Variants in CUL4B observed in about 807,000 individuals in gnomAD.
CUL4B encodes cullin 4B, also known as cullin-4B.
Under a neutral mutation model 69.2 loss-of-function variants are expected in CUL4B, and 1 was observed. The observed-to-expected ratio is 0.01, with a 90% confidence interval of 0.01 to 0.07. The LOEUF is 0.07. CUL4B is among the 10% of genes least tolerant of loss of function. The pLI, the probability that CUL4B is intolerant of heterozygous loss-of-function variation, is 1.00. For synonymous variants in CUL4B, 237 were observed against 223.2 expected, an observed-to-expected ratio of 1.06 and a Z score of -0.55; for missense variants, 328 against 638.8, an observed-to-expected ratio of 0.51 and a Z score of 5.24.
At position 120,560,885 on chromosome X, in the gene CUL4B, G is replaced by T; in HGVS notation, c.-247C>A. On this transcript the variant is annotated 5_prime_UTR_variant, in exon 1 of 20. Coordinates refer to ENST00000371322, the MANE Select transcript of CUL4B (RefSeq NM_001079872.2). ...GGAGAGCGAATGAGGAGGCAGACAG[G>T]TAAACGGCCGTGCCGTCCCCCTCCC... 1.3e-6 allele frequency: 1 copy of T among 753,259 alleles called. No homozygotes were observed. Among genetic ancestry groups the T allele is most frequent in the Non-Finnish European group, 1.6e-6 (1 of 638,950 alleles). 62.1% of individuals were successfully genotyped at this position (753,259 alleles called of 1,213,427 possible). A position where few individuals can be genotyped will look rare whatever the true frequency, so the allele number is the denominator to read the frequency against.
intron 13 of CUL4B, 97 bp from the exon 14 acceptor site, chrX:120,538,306 G>T: frequency 1.9e-6 from 1 of 532,203 alleles, no homozygotes; most frequent in Non-Finnish European, 3.1e-6. Flanking sequence ...TTAGTATGAA[G>T]TATGATCTGT....
At chrX:120,528,409 CAA>C (rs1315505804) in intron 19 of CUL4B, among the ~76,000 whole-genome samples, 2 of 74,932 alleles carry the variant, frequency 2.7e-5, no homozygotes, top group Admixed American at 1.6e-4. Context: ...GACTCCATCT[CAA>C]AAAAAAAAAA....
downstream of CUL4B, among the ~76,000 whole-genome samples, chrX:120,570,831 C>CT (rs1372452230): frequency 1.8e-5 from 2 of 111,630 alleles, no homozygotes; most frequent in East Asian, 2.8e-4. Flanking sequence ...AATTTGATAA[C>CT]TTTTTAAATA....
At chrX:120,529,197 G>A (rs530642915) in intron 19 of CUL4B, among the ~76,000 whole-genome samples, 21 of 111,438 alleles carry the variant, frequency 1.9e-4, no homozygotes, top group Middle Eastern at 4.7e-3. Context: ...CAGAGCATGA[G>A]GGTGAGAGGG....
upstream of CUL4B, chrX:120,561,423 A>G: frequency 1.9e-6 from 1 of 522,978 alleles, no homozygotes; most frequent in Non-Finnish European, 3.5e-6. Flanking sequence ...CGAAGCCCCC[A>G]GGTCCGCAGG....
intron 16 of CUL4B, among the ~76,000 whole-genome samples, chrX:120,534,803 GT>G (rs757062628): frequency 9.1e-5 from 10 of 109,784 alleles, no homozygotes; most frequent in Middle Eastern, 4.7e-3. Flanking sequence ...CCTTTTAACA[GT>G]TTTTTTTTAA....
At chrX:120,535,299 G>A (rs1923587699) in intron 16 of CUL4B, among the ~76,000 whole-genome samples, 1 of 111,458 alleles carries the variant, frequency 9.0e-6, no homozygotes, top group Non-Finnish European at 1.9e-5. Context: ...TTTTGCAGAA[G>A]GGCCAAATCA....
rs377021317 is a variant in CUL4B at position 120,537,084 on chromosome X, C to T, written c.1939-50G>A. 5 of 874,082 alleles carry T rather than the reference C, an allele frequency of 5.7e-6. No homozygotes were observed. In the African/African-American group the frequency reaches 9.9e-5, roughly 17 times the overall value. The allele number at this position is 874,082 out of a possible 1,213,427, so 72.0% of individuals were successfully genotyped here. ...TGAGATCTTAAAACTGCATACATTT[C>T]ATATCATAATAACCTATTTAAGAAG... On this transcript the variant is annotated intron_variant, in intron 14 of 19. Coordinates refer to ENST00000371322, the MANE Select transcript of CUL4B (RefSeq NM_001079872.2).
intron 12 of CUL4B, 129 bp downstream of exon 12, chrX:120,539,139 A>G (rs931778392): frequency 8.6e-6 from 4 of 462,444 alleles, no homozygotes; most frequent in Non-Finnish European, 1.5e-5. Context: ...GTATCCCCCC[A>G]ATGAATTAAA....
rs781681398 is a variant in CUL4B, at chrX:120,525,797, G to A, written c.*964C>T. The A allele has an allele frequency of 1.8e-5, 2 of 111,982 alleles. No individual in the cohort carries two copies. Among genetic ancestry groups the A allele is most frequent in the African/African-American group, 6.5e-5 (2 of 30,915 alleles). 9.2% of individuals were successfully genotyped at this position (111,982 alleles called of 1,213,427 possible). A position where few individuals can be genotyped will look rare whatever the true frequency, so the allele number is the denominator to read the frequency against. ...AGGAATGCTAAATCCTAGGAAGCCTGTAACAATCTACAATTGGTCCAAGTT... is the reference window on the plus strand; with the variant it reads ...AGGAATGCTAAATCCTAGGAAGCCTATAACAATCTACAATTGGTCCAAGTT... On this transcript the variant is annotated 3_prime_UTR_variant, in exon 20 of 20. Transcript: ENST00000371322.
upstream of CUL4B, among the ~76,000 whole-genome samples, chrX:120,566,345 GTATATATATATATATATATATATATATA>G (rs537274243): frequency 4.6e-4 from 19 of 40,955 alleles, no homozygotes; most frequent in East Asian, 1.9e-3. Context: ...GTGTGTATAG[GTATATATATATATATATATATATATATA>G]TATATATATA....
chrX:120,527,706 T>C (rs1467933691), intron 19 of CUL4B, among the ~76,000 whole-genome samples: 2 of 112,354 alleles, frequency 1.8e-5, no homozygotes, highest in African/African-American at 6.5e-5. Flanking sequence ...AACAAAGTTT[T>C]GACTGCAACC....
intron 11 of CUL4B, among the ~76,000 whole-genome samples, chrX:120,539,589 G>A (rs1460725854): frequency 9.0e-6 from 1 of 111,508 alleles, no homozygotes; most frequent in East Asian, 2.8e-4. Flanking sequence ...CAAGTGTTCT[G>A]ACTCCAGATC....
intron 1 of CUL4B, 177 bp downstream of exon 1, chrX:120,559,906 C>T: frequency 8.8e-7 from 1 of 1,138,155 alleles, no homozygotes; most frequent in Non-Finnish European, 1.2e-6. Context: ...CACAAGGATC[C>T]TAACCACCCC....
chrX:120,539,151 A>G, intron 12 of CUL4B, 117 bp downstream of exon 12: 1 of 483,277 alleles, frequency 2.1e-6, no homozygotes, highest in East Asian at 3.8e-5. Flanking sequence ...TGAATTAAAC[A>G]CAATTTTAAA....
chrX:120,535,835 T>G lies in CUL4B; in HGVS notation c.2155A>C (p.Lys719Gln). 1 of 1,185,954 alleles carries G rather than the reference T, an allele frequency of 8.4e-7. No homozygotes were observed. Residue 719 changes from lysine (K) to glutamine (Q), a missense_variant, in exon 16 of 20, where the codon AAA becomes CAA. By Grantham distance (53) the Lys-to-Gln change is moderately conservative. This residue lies in a region of CUL4B where 98 missense variants were observed against 296.8 expected (regional missense o/e 0.33). Coordinates refer to ENST00000371322, the MANE Select transcript of CUL4B (RefSeq NM_001079872.2). ...TTTTGGGAACATCCACTTACCTCTT[T>G]AAATTCTGCTTTTAACACACAGTGT... Reference protein sequence around the residue: ...LGHCVLKAEFKEGKKELQVSL... With the variant: ...LGHCVLKAEFQEGKKELQVSL...
chrX:120,541,855 TTGTAA>T, intron 9 of CUL4B, 135 bp from the exon 10 acceptor site: 3 of 488,405 alleles, frequency 6.1e-6, no homozygotes, highest in Non-Finnish European at 1.1e-5. Context: ...TGTATGTGAG[TTGTAA>T]TGTAAGATTT....
chrX:120,542,893 A>G (rs1239732595), intron 9 of CUL4B, 73 bp downstream of exon 9: 3 of 756,722 alleles, frequency 4.0e-6, no homozygotes, highest in Non-Finnish European at 6.1e-6. Context: ...AAAGGGCAAC[A>G]TCTTTAAAAA....
intron 2 of CUL4B, among the ~76,000 whole-genome samples, chrX:120,548,559 C>T (rs1290015064): frequency 1.8e-5 from 2 of 111,503 alleles, no homozygotes; most frequent in Non-Finnish European, 3.8e-5. Context: ...TGTGGCTGGG[C>T]GCAGTGGCTC....
Sources: allele counts gnomAD v4.1 joint callset (sites outside exome capture counted in the v4.1 genomes callset), GRCh38; gene constraint gnomAD v4.1.1; regional missense constraint gnomAD v4.1.1; transcripts MANE v1.5; gene names NCBI Gene and HGNC (gene_info 2026-07-23, HGNC 2026-07-21).